The following TRPM7 variants were observed in gnomAD, a reference collection of about 807,000 sequenced individuals.
TRPM7 encodes the protein transient receptor potential cation channel subfamily M member 7, also known as LTRPC ion channel family member 7.
TRPM7 carries 134 observed loss-of-function variants against 229.7 expected under a neutral mutation model. The ratio of observed to expected loss-of-function variants is 0.58; its 90% CI spans 0.51 to 0.67. The LOEUF (loss-of-function observed/expected upper bound fraction) is 0.67, where lower values mean the gene tolerates loss of function less well. Ranked by LOEUF, TRPM7 falls within the 30% of genes least tolerant of loss-of-function variation. The pLI, the probability that TRPM7 is intolerant of heterozygous loss-of-function variation, is 0.00. For missense variants in TRPM7, 1,901 were observed against 2,210.0 expected (o/e 0.86, Z 2.80); for synonymous variants, 699 against 715.2 (o/e 0.98, Z 0.36).
intron 1 of TRPM7, among the ~76,000 whole-genome samples, chr15:50,667,568 A>T (rs192409141): frequency 1.3e-5 from 2 of 152,124 alleles, no homozygotes; most frequent in East Asian, 3.9e-4. Context: ...TTAGCTGGGA[A>T]TGGTGCCTTG....
chr15:50,666,085 A>G (rs2061872195), intron 1 of TRPM7, among the ~76,000 whole-genome samples: 1 of 152,226 alleles, frequency 6.6e-6, no homozygotes, highest in African/African-American at 2.4e-5. Context: ...AAGGAAAGAA[A>G]TAAAATTAAA....
At chr15:50,635,260 G>A (rs2060856327) in intron 7 of TRPM7, among the ~76,000 whole-genome samples, 2 of 138,382 alleles carry the variant, frequency 1.4e-5, no homozygotes, top group African/African-American at 2.7e-5. Context: ...AGAGGTTGCA[G>A]TGAGCCAAGA....
intron 6 of TRPM7, among the ~76,000 whole-genome samples, chr15:50,638,674 T>TTGTATGTATATATGTA (rs2060995754): frequency 6.6e-6 from 1 of 150,504 alleles, no homozygotes; most frequent in African/African-American, 2.4e-5. Context: ...AATTCAGTAA[T>TTGTATGTATATATGTA]TGTATGTATG....
At chr15:50,657,612 C>T (rs2061610079) in intron 3 of TRPM7, among the ~76,000 whole-genome samples, 169 bp downstream of exon 3, 1 of 152,168 alleles carries the variant, frequency 6.6e-6, no homozygotes, top group African/African-American at 2.4e-5. Context: ...GTAGCTTCAC[C>T]TGAGTTTCAA....
chr15:50,665,582 A>C (rs530032082), intron 1 of TRPM7, among the ~76,000 whole-genome samples: 1 of 152,220 alleles, frequency 6.6e-6, no homozygotes, highest in Non-Finnish European at 1.5e-5. Context: ...TCATAATTAA[A>C]AATTTTAAAT....
intron 36 of TRPM7, among the ~76,000 whole-genome samples, chr15:50,571,315 AGTT>A (rs1211045070): frequency 5.3e-5 from 8 of 152,258 alleles, no homozygotes; most frequent in African/African-American, 1.9e-4. Flanking sequence ...GTACTCTGGC[AGTT>A]GTTATTAAAA....
intron 36 of TRPM7, among the ~76,000 whole-genome samples, chr15:50,573,722 T>C (rs1236052429): frequency 6.6e-6 from 1 of 152,232 alleles, no homozygotes; most frequent in Non-Finnish European, 1.5e-5. Flanking sequence ...AGGGAATTTT[T>C]ACATGTTTTT....
chr15:50,596,583 A>G (rs2059638655), intron 22 of TRPM7, among the ~76,000 whole-genome samples: 1 of 151,714 alleles, frequency 6.6e-6, no homozygotes, highest in Admixed American at 6.6e-5. Flanking sequence ...ACACAAAAAG[A>G]TGTTGTGAGA....
intron 1 of TRPM7, among the ~76,000 whole-genome samples, chr15:50,670,129 C>A (rs1375846804): frequency 6.6e-6 from 1 of 152,022 alleles, no homozygotes; most frequent in East Asian, 1.9e-4. Context: ...ACACAAGAGA[C>A]CTTAATAGTT....
chr15:50,590,281 T>TA (rs1012448487), intron 26 of TRPM7, among the ~76,000 whole-genome samples: 26 of 146,770 alleles, frequency 1.8e-4, no homozygotes, highest in Middle Eastern at 3.5e-3. Context: ...TTACTATTAA[T>TA]AAAAAAAAAA....
Position 50,594,574 on chromosome 15 carries a change from T to C in TRPM7, c.3330A>G (p.Val1110=), listed in dbSNP as rs777823979. 8 of 1,609,550 alleles carry C rather than the reference T, an allele frequency of 5.0e-6. No homozygotes were observed. In the East Asian group the frequency reaches 1.3e-4, roughly 27 times the overall value. The change falls in exon 24 of 39, where the codon GTA becomes GTG. Residue 1110 remains valine (V), a synonymous_variant. Transcript: ENST00000646667. ...YLQVKAISNI[V]WKYQRYHFIM... ...TAAAATGATAACGCTGGTACTTCCA[T>C]ACAATATTGGAAATTGCCTTCACTT...
chr15:50,654,253 C>T (rs895461453), intron 3 of TRPM7, among the ~76,000 whole-genome samples: 1 of 151,420 alleles, frequency 6.6e-6, no homozygotes, highest in Non-Finnish European at 1.5e-5. Flanking sequence ...CCAGACCAGT[C>T]TGGCCAACAT....
chr15:50,587,593 A>C (rs897093860), intron 27 of TRPM7, among the ~76,000 whole-genome samples: 2 of 152,098 alleles, frequency 1.3e-5, no homozygotes, highest in Non-Finnish European at 2.9e-5. Flanking sequence ...TAAAAAGGTG[A>C]AATCTGTGGG....
chr15:50,673,521 T>C (rs2062034483), intron 1 of TRPM7, among the ~76,000 whole-genome samples: 1 of 152,142 alleles, frequency 6.6e-6, no homozygotes, highest in African/African-American at 2.4e-5. Flanking sequence ...ACATATGATG[T>C]TTGGTTTTCC....
In TRPM7 at chr15:50,558,890, CT is replaced by C. The variant is rs1362352951; in HGVS notation, c.*2787del. 655 of 141,236 alleles carry C rather than the reference CT, an allele frequency of 4.6e-3. 2 individuals are homozygous for C. Among genetic ancestry groups the C allele is most frequent in the African/African-American group, 9.9e-3 (383 of 38,790 alleles). 8.7% of individuals were successfully genotyped at this position (141,236 alleles called of 1,614,324 possible). On this transcript the variant is annotated 3_prime_UTR_variant, in exon 39 of 39. Coordinates refer to ENST00000646667, the MANE Select transcript of TRPM7 (RefSeq NM_017672.6). ...CCTGGGCAACAGAGCAAGAGGTTGT[CT>C]TTTTTTTTTTTTTCTTTCTGAGACA... is the stretch of plus-strand genomic sequence containing the variant.
At chr15:50,607,825 T>A (rs920961976) in intron 19 of TRPM7, among the ~76,000 whole-genome samples, 1 of 148,060 alleles carries the variant, frequency 6.8e-6, no homozygotes, top group Non-Finnish European at 1.5e-5. Flanking sequence ...TGCAGGCAGA[T>A]CATCTGAGGT....
chr15:50,605,229 A>G lies in TRPM7; in HGVS notation c.2710-85T>C. ...CAGCATTCAACTATAACATTACAGTAGAATTTCACATAGCTTTTATTTATT... is the reference window on the plus strand; with the variant it reads ...CAGCATTCAACTATAACATTACAGTGGAATTTCACATAGCTTTTATTTATT... On this transcript the variant is annotated intron_variant, in intron 20 of 38. Transcript: ENST00000646667. 3 of 1,094,520 alleles carry G rather than the reference A, an allele frequency of 2.7e-6. No homozygotes were observed. The South Asian group carries it at 5.1e-5, about 19-fold the overall frequency. The allele number at this position is 1,094,520 out of a possible 1,614,324, so 67.8% of individuals were successfully genotyped here. A position where few individuals can be genotyped will look rare whatever the true frequency, so the allele number is the denominator to read the frequency against.
intron 21 of TRPM7, among the ~76,000 whole-genome samples, chr15:50,602,096 T>C (rs1027118437): frequency 2.0e-5 from 3 of 152,186 alleles, no homozygotes; most frequent in African/African-American, 4.8e-5. Flanking sequence ...ATGTTTACTG[T>C]GGCACTATTC....
chr15:50,561,950 A>G, intron 38 of TRPM7, 142 bp from the exon 39 acceptor site: 1 of 797,304 alleles, frequency 1.3e-6, no homozygotes, highest in Non-Finnish European at 1.8e-6. Flanking sequence ...GCTGGAGTGC[A>G]ATGGCGCGAT....
Sources: allele counts gnomAD v4.1 joint callset (sites outside exome capture counted in the v4.1 genomes callset), GRCh38; gene constraint gnomAD v4.1.1; transcripts MANE v1.5; gene names NCBI Gene and HGNC (gene_info 2026-07-23, HGNC 2026-07-21).